The following PDILT variants were observed in gnomAD, a reference collection of about 807,000 sequenced individuals.
The protein encoded by PDILT is protein disulfide isomerase like, testis expressed.
A neutral mutation model predicts 53.7 loss-of-function variants in PDILT; 43 were observed. The ratio of observed to expected loss-of-function variants is 0.80; its 90% CI spans 0.63 to 1.03. The LOEUF (loss-of-function observed/expected upper bound fraction) is 1.03. PDILT is among the 50% of genes least tolerant of loss of function. The pLI, the probability that PDILT is intolerant of heterozygous loss-of-function variation, is 0.00. For missense variants in PDILT, 727 were observed against 712.3 expected (o/e 1.02, Z -0.24); for synonymous variants, 282 against 274.2 (o/e 1.03, Z -0.28).
At chr16:20,366,090 CAAAAAAAAAAAAA>C (rs34816350) in intron 8 of PDILT, among the ~76,000 whole-genome samples, 1 of 72,292 alleles carries the variant, frequency 1.4e-5, no homozygotes, top group Non-Finnish European at 3.1e-5. Flanking sequence ...ATTTCGTCTC[CAAAAAAAAAAAAA>C]AAAAAAAAAT....
chr16:20,363,854 C>G (rs1217987307), intron 9 of PDILT, among the ~76,000 whole-genome samples: 1 of 152,072 alleles, frequency 6.6e-6, no homozygotes, highest in Non-Finnish European at 1.5e-5. Flanking sequence ...GAGTGTGGTC[C>G]AGGCTCCTGG....
chr16:20,371,241 T>C (rs1966302427), intron 7 of PDILT, among the ~76,000 whole-genome samples: 1 of 152,076 alleles, frequency 6.6e-6, no homozygotes, highest in Non-Finnish European at 1.5e-5. Context: ...AGTCTGAATA[T>C]AATAGTGGGC....
In PDILT at chr16:20,374,841, C is replaced by T; in HGVS notation, c.662G>A (p.Ser221Asn). 5.6e-6 allele frequency: 9 copies of T among 1,613,774 alleles called. No homozygotes were observed. The highest frequency in any genetic ancestry group is 7.6e-6 in the Non-Finnish European group (9 of 1,179,838). ...VIGRFHVTLDSVLVFKKGKIV... is the reference protein window; with the variant it reads ...VIGRFHVTLDNVLVFKKGKIV... ...TCCTACCTTTTTGAACACCAGGACG[C>T]TGTCAAGGGTGACGTGGAAACGCCC... The change falls in exon 5 of 12, where the codon AGC becomes AAC. Residue 221 changes from serine to asparagine, a missense_variant. Physicochemically the swap from Ser to Asn is conservative, Grantham distance 46 (BLOSUM62 1). Coordinates refer to ENST00000302451, the MANE Select transcript of PDILT (RefSeq NM_174924.2).
At chr16:20,395,355 T>C (rs1596597973) in intron 2 of PDILT, among the ~76,000 whole-genome samples, 1 of 152,208 alleles carries the variant, frequency 6.6e-6, no homozygotes, top group South Asian at 2.1e-4. Flanking sequence ...TAAAGGGACA[T>C]AGGTGGCTGA....
intron 2 of PDILT, among the ~76,000 whole-genome samples, chr16:20,386,960 A>C (rs1392649540): frequency 6.6e-6 from 1 of 152,074 alleles, no homozygotes; most frequent in Non-Finnish European, 1.5e-5. Flanking sequence ...TGGGTGTCTG[A>C]AATGGAAGTG....
chr16:20,376,888 G>A (rs1057187212), intron 3 of PDILT, among the ~76,000 whole-genome samples: 7 of 152,194 alleles, frequency 4.6e-5, no homozygotes, highest in African/African-American at 1.7e-4. Context: ...GCTATACACA[G>A]GTGAACGTGT....
rs951809520 is a variant in PDILT at position 20,396,690 on chromosome 16, C to T, written c.202+2409G>A. Among the ~76,000 whole-genome samples the T allele has an allele frequency of 3.3e-5, 5 of 152,212 alleles. No homozygotes were observed. The East Asian group carries it at 7.7e-4, about 23-fold the overall frequency. The stretch of plus-strand genomic sequence containing the variant: ...ACCATTACTTCTCCACTTCAGAGCA[C>T]CCAAAGTATACAGTTTAGACTATTT... On this transcript the variant is annotated intron_variant, in intron 2 of 11. Coordinates refer to ENST00000302451, the MANE Select transcript of PDILT (RefSeq NM_174924.2).
intron 8 of PDILT, among the ~76,000 whole-genome samples, chr16:20,366,989 T>TTCC (rs1234853463): frequency 4.0e-5 from 6 of 148,720 alleles, no homozygotes; most frequent in African/African-American, 1.5e-4. Flanking sequence ...CCTTCCTTCC[T>TTCC]TTCTTTCTTT....
chr16:20,363,187 T>C (rs972458658), intron 9 of PDILT, among the ~76,000 whole-genome samples: 13 of 152,058 alleles, frequency 8.5e-5, no homozygotes, highest in African/African-American at 3.1e-4. Flanking sequence ...GTTCATGTTT[T>C]CTTCTATTTT....
intron 8 of PDILT, 34 bp from the exon 9 acceptor site, chr16:20,365,574 C>T (rs1273945747): frequency 4.5e-5 from 73 of 1,609,200 alleles, no homozygotes; most frequent in Non-Finnish European, 5.4e-5. Context: ...TAAGAGTCTT[C>T]ATAAAGGGTC....
intron 3 of PDILT, among the ~76,000 whole-genome samples, chr16:20,381,967 T>C (rs1966467377): frequency 6.6e-6 from 1 of 152,194 alleles, no homozygotes. Context: ...GGTGCAATCA[T>C]GGCTCACTGC....
chr16:20,403,268 A>G (rs1966767026), intron 1 of PDILT, among the ~76,000 whole-genome samples: 1 of 152,118 alleles, frequency 6.6e-6, no homozygotes, highest in African/African-American at 2.4e-5. Flanking sequence ...TTCCCCACAC[A>G]ACAATCAGAC....
At chr16:20,398,421 C>T (rs895657294) in intron 2 of PDILT, among the ~76,000 whole-genome samples, 1 of 151,988 alleles carries the variant, frequency 6.6e-6, no homozygotes, top group African/African-American at 2.4e-5. Flanking sequence ...CAGGAGTTCG[C>T]GACCAGCCTG....
intron 7 of PDILT, 69 bp downstream of exon 7, chr16:20,372,733 G>T: frequency 6.5e-7 from 1 of 1,537,660 alleles, no homozygotes; most frequent in South Asian, 1.2e-5. Flanking sequence ...GCAGGCAAAT[G>T]GGCTCAGGGT....
chr16:20,396,541 C>A (rs1401873217), intron 2 of PDILT, among the ~76,000 whole-genome samples: 1 of 152,174 alleles, frequency 6.6e-6, no homozygotes, highest in African/African-American at 2.4e-5. Flanking sequence ...TTCAAGCTTC[C>A]AGATGCATTT....
chr16:20,394,283 T>C (rs746844638), intron 2 of PDILT, among the ~76,000 whole-genome samples: 4 of 152,208 alleles, frequency 2.6e-5, no homozygotes, highest in Non-Finnish European at 5.9e-5. Flanking sequence ...TTTCTGGTGG[T>C]TCACTGTCTG....
At position 20,360,531 on chromosome 16, in the gene PDILT, G is replaced by A. The variant is rs773008109; in HGVS notation, c.1506+37C>T. On this transcript the variant is annotated intron_variant, in intron 11 of 11. Coordinates refer to ENST00000302451, the MANE Select transcript of PDILT (RefSeq NM_174924.2). The stretch of plus-strand genomic sequence containing the variant: ...ATTAAGTTCCTAGGGATTCTGTGTG[G>A]GACAGAATAATTCAGAGTATTTCTG... The A allele has an allele frequency of 8.7e-6, 13 of 1,494,582 alleles. No homozygotes were observed. The East Asian group carries it at 2.9e-4, about 34-fold the overall frequency. 92.6% of individuals were successfully genotyped at this position (1,494,582 alleles called of 1,614,324 possible). A position where few individuals can be genotyped will look rare whatever the true frequency, so the allele number is the denominator to read the frequency against.
chr16:20,371,804 T>C (rs1209874527), intron 7 of PDILT, among the ~76,000 whole-genome samples: 1 of 152,048 alleles, frequency 6.6e-6, no homozygotes, highest in African/African-American at 2.4e-5. Flanking sequence ...TCAATTTAAC[T>C]ATATCCAAAA....
intron 9 of PDILT, 117 bp from the exon 10 acceptor site, chr16:20,362,699 C>T: frequency 2.6e-6 from 2 of 774,146 alleles, no homozygotes; most frequent in Non-Finnish European, 4.2e-6. Context: ...GCCAATTGCA[C>T]TCCCTCCTTC....
Sources: gnomAD v4.1 joint callset for allele counts (sites outside exome capture counted in the v4.1 genomes callset) on GRCh38, gnomAD v4.1.1 for gene constraint, MANE v1.5 for transcripts, NCBI Gene and HGNC (gene_info 2026-07-23, HGNC 2026-07-21) for gene names.